DCTN4: variants seen among roughly 807,000 people sequenced by gnomAD.
DCTN4 encodes the protein dynactin 4 (p62).
DCTN4 carries 23 observed loss-of-function variants against 62.7 expected under a neutral mutation model. The ratio of observed to expected loss-of-function variants is 0.37; its 90% CI spans 0.26 to 0.52. The LOEUF is 0.52. Among genes scored for constraint, DCTN4 ranks in the 20% least tolerant of loss-of-function variants. The pLI, the probability that DCTN4 is intolerant of heterozygous loss-of-function variation, is 0.92. For synonymous variants in DCTN4, 199 were observed against 202.1 expected, an observed-to-expected ratio of 0.98 and a Z score of 0.13; for missense variants, 514 against 580.4, an observed-to-expected ratio of 0.89 and a Z score of 1.18.
chr5:150,714,839 CTTTG>C (rs780229020), intron 12 of DCTN4, among the ~76,000 whole-genome samples: 26 of 152,180 alleles, frequency 1.7e-4, no homozygotes, highest in Admixed American at 9.8e-4. Context: ...ACATGGAGCT[CTTTG>C]TTTAAGTTCT....
intron 3 of DCTN4, among the ~76,000 whole-genome samples, chr5:150,751,081 TGA>T (rs1752655054): frequency 1.3e-5 from 2 of 152,198 alleles, no homozygotes; most frequent in Non-Finnish European, 2.9e-5. Flanking sequence ...TTTAAACGTC[TGA>T]ATATTTTATC....
At chr5:150,728,354 T>C (rs931857565) in intron 8 of DCTN4, among the ~76,000 whole-genome samples, 5 of 152,204 alleles carry the variant, frequency 3.3e-5, no homozygotes, top group African/African-American at 1.2e-4. Flanking sequence ...CTGTGTGTAC[T>C]TGAAAAGAAT....
intron 1 of DCTN4, 121 bp from the exon 2 acceptor site, chr5:150,756,608 C>T: frequency 2.1e-6 from 1 of 476,254 alleles, no homozygotes; most frequent in South Asian, 5.3e-5. Flanking sequence ...AGACTGTTTT[C>T]TGCTTAGGGT....
At chr5:150,733,217 C>A in intron 5 of DCTN4, 151 bp downstream of exon 5, 1 of 543,218 alleles carries the variant, frequency 1.8e-6, no homozygotes, top group Non-Finnish European at 3.2e-6. Flanking sequence ...ATAGCAAAAG[C>A]CTAACTATTG....
At chr5:150,751,104 T>C (rs1752656257) in intron 3 of DCTN4, among the ~76,000 whole-genome samples, 1 of 152,204 alleles carries the variant, frequency 6.6e-6, no homozygotes, top group Admixed American at 6.5e-5. Context: ...TAATTGCTTC[T>C]TTTGAACTGG....
intron 3 of DCTN4, among the ~76,000 whole-genome samples, chr5:150,749,326 A>G (rs1752585592): frequency 6.6e-6 from 1 of 152,244 alleles, no homozygotes; most frequent in African/African-American, 2.4e-5. Flanking sequence ...ATTTGTACAG[A>G]CAGTTCACCA....
At chr5:150,735,570 A>G (rs552021335) in intron 4 of DCTN4, among the ~76,000 whole-genome samples, 23 of 152,298 alleles carry the variant, frequency 1.5e-4, no homozygotes, top group African/African-American at 5.3e-4. Context: ...AGCAGCAATA[A>G]CAATAATTGC....
chr5:150,742,025 C>T, intron 4 of DCTN4, 89 bp downstream of exon 4: 2 of 1,092,980 alleles, frequency 1.8e-6, no homozygotes. Context: ...ATAAACACAG[C>T]TCATATCTAC....
At chr5:150,750,925 G>A (rs961998712) in intron 3 of DCTN4, among the ~76,000 whole-genome samples, 6 of 152,106 alleles carry the variant, frequency 3.9e-5, no homozygotes, top group African/African-American at 1.2e-4. Context: ...CAAAAAGGAC[G>A]CAATTACCTT....
intron 5 of DCTN4, 47 bp downstream of exon 5, chr5:150,733,321 C>T (rs1581582875): frequency 7.3e-7 from 1 of 1,364,380 alleles, no homozygotes; most frequent in South Asian, 1.2e-5. Context: ...GATCACTGTT[C>T]TTAGGCCTTA....
At chr5:150,730,033 A>C (rs1409104055) in intron 8 of DCTN4, among the ~76,000 whole-genome samples, 4 of 152,222 alleles carry the variant, frequency 2.6e-5, no homozygotes, top group African/African-American at 7.2e-5. Context: ...TATTTAAATG[A>C]AATTAAAGAC....
intron 4 of DCTN4, among the ~76,000 whole-genome samples, chr5:150,736,569 T>C (rs1401677898): frequency 2.0e-5 from 3 of 152,196 alleles, no homozygotes; most frequent in East Asian, 1.9e-4. Flanking sequence ...TGAGAGAATT[T>C]GTCAGTACCA....
At chr5:150,727,098 T>A (rs535684898) in intron 8 of DCTN4, among the ~76,000 whole-genome samples, 50 of 152,192 alleles carry the variant, frequency 3.3e-4, no homozygotes, top group African/African-American at 1.1e-3. Context: ...AGGATTGGCC[T>A]AACTAACCAC....
At chr5:150,742,384 G>A (rs975906935) in intron 3 of DCTN4, among the ~76,000 whole-genome samples, 2 of 152,300 alleles carry the variant, frequency 1.3e-5, no homozygotes, top group Middle Eastern at 3.4e-3. Context: ...CACTTGAAAT[G>A]TATTACATTT....
At chr5:150,740,270 T>C (rs932167831) in intron 4 of DCTN4, among the ~76,000 whole-genome samples, 1 of 151,652 alleles carries the variant, frequency 6.6e-6, no homozygotes, top group Admixed American at 6.6e-5. Context: ...AGGACATGAA[T>C]AGACATTTCT....
intron 3 of DCTN4, among the ~76,000 whole-genome samples, chr5:150,746,021 T>C (rs1760948445): frequency 6.7e-6 from 1 of 149,884 alleles, no homozygotes; most frequent in Non-Finnish European, 1.5e-5. Context: ...TTTGAAAGGA[T>C]CAACAAAATT....
chr5:150,718,224 G>C, intron 11 of DCTN4, 52 bp downstream of exon 11: 1 of 1,254,950 alleles, frequency 8.0e-7, no homozygotes, highest in Non-Finnish European at 1.2e-6. Flanking sequence ...GGTCAAATGA[G>C]GACACTCCAG....
At position 150,753,567 on chromosome 5, in the gene DCTN4, G is replaced by C. The variant is rs1383583267; in HGVS notation, c.297C>G (p.Ala99=). 3.1e-6 allele frequency: 5 copies of C among 1,614,174 alleles called. No individual in the cohort carries two copies. In the Admixed American group the frequency reaches 6.7e-5, roughly 22 times the overall value. The change falls in exon 3 of 13, where the codon GCC becomes GCG. Residue 99 remains alanine (A), a synonymous_variant. Coordinates refer to ENST00000447998, the MANE Select transcript of DCTN4 (RefSeq NM_016221.4). ...SISTQLPDDP[A]KTTMKKAYYL... ...AATAGGCTTTCTTCATGGTGGTCTT[G>C]GCTGGGTCATCTGGAAGCTGTGTGG...
In DCTN4 at chr5:150,730,720, G is replaced by A; in HGVS notation, c.745C>T (p.Leu249=). The change falls in exon 8 of 13, where the codon CTG becomes TTG. Residue 249 remains leucine, a synonymous_variant. Coordinates refer to ENST00000447998, the MANE Select transcript of DCTN4 (RefSeq NM_016221.4). The stretch of plus-strand genomic sequence containing the variant: ...ACTGGCTGGAAGTCAGGCTGTAACA[G>A]ACGCTGCTGAAGGGTTGTTACTAGA... ...LTEVTTLQQR[L]LQPDFQPVCA... is the part of the protein sequence containing the mutation. 4 of 1,614,064 alleles carry A rather than the reference G, an allele frequency of 2.5e-6. No homozygotes were observed. The highest frequency in any genetic ancestry group is 3.4e-6 in the Non-Finnish European group (4 of 1,179,980).
Sources: allele counts gnomAD v4.1 joint callset (sites outside exome capture counted in the v4.1 genomes callset), GRCh38; gene constraint gnomAD v4.1.1; transcripts MANE v1.5; gene names NCBI Gene and HGNC (gene_info 2026-07-23, HGNC 2026-07-21).